Variants in TMEM260 observed in about 807,000 individuals in gnomAD.
TMEM260 encodes the protein transmembrane protein 260, also known as protein O-mannosyl-transferase TMEM260.
TMEM260 carries 82 observed loss-of-function variants against 88.9 expected under a neutral mutation model. The observed-to-expected ratio is 0.92, with a 90% confidence interval of 0.77 to 1.11. The LOEUF is 1.11. TMEM260 is among the 50% of genes least tolerant of loss of function. The pLI is 0.00. For missense variants in TMEM260, 902 were observed against 853.4 expected, an observed-to-expected ratio of 1.06 and a Z score of -0.71; for synonymous variants, 314 against 309.3, an observed-to-expected ratio of 1.02 and a Z score of -0.16.
At chr14:56,643,062 A>G (rs1453402671) in intron 15 of TMEM260, among the ~76,000 whole-genome samples, 1 of 152,248 alleles carries the variant, frequency 6.6e-6, no homozygotes, top group African/African-American at 2.4e-5. Flanking sequence ...AGATGGATTC[A>G]TAGCCGAATT....
At position 56,603,825 on chromosome 14, in the gene TMEM260, T is replaced by A; in HGVS notation, c.355T>A (p.Ser119Thr). The A allele has an allele frequency of 6.2e-7, 1 of 1,613,854 alleles. No individual in the cohort carries two copies. The highest frequency in any genetic ancestry group is 8.5e-7 in the Non-Finnish European group (1 of 1,179,754). Residue 119 changes from serine (S) to threonine (T), a missense_variant, in exon 4 of 16, where the codon TCA becomes ACA. Coordinates refer to ENST00000261556, the MANE Select transcript of TMEM260 (RefSeq NM_017799.4). ...TATCTGTGTTTGCAGGCTTTCTGGC[T>A]CATCTGCTGGAGGAATCCTTGCTGC... ...LFFTVFRLSG[S>T]SAGGILAAGV...
At chr14:56,584,166 G>GA (rs1372303419) in intron 1 of TMEM260, among the ~76,000 whole-genome samples, 1 of 152,158 alleles carries the variant, frequency 6.6e-6, no homozygotes, top group African/African-American at 2.4e-5. Flanking sequence ...AGCTGGGACA[G>GA]AAATTAAATG....
chr14:56,653,742 A>AAAAAAC (rs1890249324), downstream of TMEM260, among the ~76,000 whole-genome samples: 1 of 65,802 alleles, frequency 1.5e-5, no homozygotes, highest in African/African-American at 3.4e-5. Flanking sequence ...TCTCCAAAAC[A>AAAAAAC]AAAAAAAAAA....
chr14:56,638,281 T>G (rs1177722322), intron 15 of TMEM260: 1 of 151,838 alleles, frequency 6.6e-6, no homozygotes, highest in Non-Finnish European at 1.5e-5. Context: ...AGTTGTCAAC[T>G]GTGCATCAAA....
intron 12 of TMEM260, among the ~76,000 whole-genome samples, chr14:56,627,067 ATAAT>A (rs1285250021): frequency 1.3e-5 from 2 of 152,108 alleles, no homozygotes; most frequent in African/African-American, 4.8e-5. Context: ...AAGACGCATA[ATAAT>A]TTAACGAATA....
intron 1 of TMEM260, among the ~76,000 whole-genome samples, chr14:56,581,623 T>A (rs1161240432): frequency 6.6e-6 from 1 of 152,220 alleles, no homozygotes; most frequent in African/African-American, 2.4e-5. Context: ...TGTTGGGCAC[T>A]TACTATGTGC....
chr14:56,659,305 C>T, the TMEM260 span, among the ~76,000 whole-genome samples: 1 of 151,042 alleles, frequency 6.6e-6, no homozygotes, highest in East Asian at 1.9e-4. Context: ...CTCCTTTTCC[C>T]CCTTTACTCC....
intron 3 of TMEM260, among the ~76,000 whole-genome samples, chr14:56,596,949 T>TA (rs1431475834): frequency 6.6e-6 from 1 of 151,986 alleles, no homozygotes; most frequent in African/African-American, 2.4e-5. Context: ...AGGTTACAGT[T>TA]AAAAATTTAT....
At chr14:56,610,681 G>T (rs141982758) in intron 6 of TMEM260, among the ~76,000 whole-genome samples, 21 of 152,070 alleles carry the variant, frequency 1.4e-4, no homozygotes, top group African/African-American at 5.1e-4. Flanking sequence ...TTGACTTAGA[G>T]AGTTTGATAC....
intron 15 of TMEM260, among the ~76,000 whole-genome samples, chr14:56,645,401 C>A (rs558477582): frequency 6.6e-6 from 1 of 151,948 alleles, no homozygotes; most frequent in Non-Finnish European, 1.5e-5. Flanking sequence ...GGACAAAAAA[C>A]CAAGCACCAC....
At chr14:56,639,773 T>A (rs1434194816) in intron 15 of TMEM260, among the ~76,000 whole-genome samples, 1 of 152,134 alleles carries the variant, frequency 6.6e-6, no homozygotes, top group Non-Finnish European at 1.5e-5. Flanking sequence ...GAAAATCGGG[T>A]CACTCCCACC....
the TMEM260 span, among the ~76,000 whole-genome samples, chr14:56,663,162 T>C: frequency 6.6e-6 from 1 of 152,146 alleles, no homozygotes; most frequent in Non-Finnish European, 1.5e-5. The surrounding 1 kb of genome is among the most constrained non-coding windows in gnomAD (Gnocchi z 4.1). Flanking sequence ...ATGTTGAGCA[T>C]CGATACACTG....
chr14:56,662,953 C>A, the TMEM260 span, among the ~76,000 whole-genome samples: 1 of 152,058 alleles, frequency 6.6e-6, no homozygotes, highest in Non-Finnish European at 1.5e-5. Flanking sequence ...GATGGAGAAA[C>A]CCCCGTCTCT....
chr14:56,580,970 G>A (rs1470847050), intron 1 of TMEM260, among the ~76,000 whole-genome samples: 1 of 152,164 alleles, frequency 6.6e-6, no homozygotes, highest in African/African-American at 2.4e-5. Context: ...TTGTAAATCA[G>A]GAGTCTGGGT....
chr14:56,607,145 T>C (rs886401230), intron 5 of TMEM260, among the ~76,000 whole-genome samples: 5 of 152,202 alleles, frequency 3.3e-5, no homozygotes, highest in African/African-American at 9.6e-5. Context: ...AGTGAAGCTT[T>C]TCTATGGAAT....
At chr14:56,653,593 G>GC (rs1162984424), downstream of TMEM260, among the ~76,000 whole-genome samples, 1 of 151,708 alleles carries the variant, frequency 6.6e-6, no homozygotes, top group African/African-American at 2.4e-5. Flanking sequence ...AATTAGCTGG[G>GC]CGAGGTGGTG....
At chr14:56,627,392 A>G (rs571645710) in intron 12 of TMEM260, among the ~76,000 whole-genome samples, 12 of 152,288 alleles carry the variant, frequency 7.9e-5, no homozygotes, top group South Asian at 2.1e-4. Context: ...TATATTTACT[A>G]TCATAAAACA....
At chr14:56,644,203 A>G (rs1889801054) in intron 15 of TMEM260, among the ~76,000 whole-genome samples, 1 of 152,220 alleles carries the variant, frequency 6.6e-6, no homozygotes, top group South Asian at 2.1e-4. Flanking sequence ...TGCCAAATCA[A>G]TCCTAAGCCA....
chr14:56,661,499 G>A, the TMEM260 span, among the ~76,000 whole-genome samples: 1 of 125,088 alleles, frequency 8.0e-6, no homozygotes, highest in South Asian at 2.8e-4. Context: ...GAAAGAAAAA[G>A]CAAGAAAGAA....
Sources: allele counts gnomAD v4.1 joint callset (sites outside exome capture counted in the v4.1 genomes callset), GRCh38; gene constraint gnomAD v4.1.1; non-coding constraint Gnocchi (gnomAD v3.1); transcripts MANE v1.5; gene names NCBI Gene and HGNC (gene_info 2026-07-23, HGNC 2026-07-21).